The following CTNNA2 variants were observed in gnomAD, a reference collection of about 807,000 sequenced individuals.
The protein encoded by CTNNA2 is catenin alpha 2.
CTNNA2 carries 42 observed loss-of-function variants against 101.0 expected under a neutral mutation model. That is an observed-to-expected ratio of 0.42 (90% CI 0.32 to 0.54). The LOEUF is 0.54. Ranked by LOEUF, CTNNA2 falls within the 20% of genes least tolerant of loss-of-function variation. The pLI, the probability that CTNNA2 is intolerant of heterozygous loss-of-function variation, is 0.14. For missense variants in CTNNA2, 871 were observed against 1,223.1 expected (o/e 0.71, Z 4.29); for synonymous variants, 450 against 456.4 (o/e 0.99, Z 0.18).
intron 7 of CTNNA2, among the ~76,000 whole-genome samples, chr2:79,977,848 C>G (rs1690977513): frequency 6.6e-6 from 1 of 151,968 alleles, no homozygotes; most frequent in Admixed American, 6.6e-5. Flanking sequence ...TTTCTCTGGC[C>G]AGAGGGAATT....
At chr2:79,414,651 A>T (rs924489694) in intron 4 of CTNNA2, among the ~76,000 whole-genome samples, 1 of 152,066 alleles carries the variant, frequency 6.6e-6, no homozygotes, top group Non-Finnish European at 1.5e-5. Context: ...TATGAAAATG[A>T]TGTTATGCAG....
intron 3 of CTNNA2, among the ~76,000 whole-genome samples, chr2:79,313,187 G>A (rs1422315898): frequency 6.6e-6 from 1 of 152,246 alleles, no homozygotes; most frequent in South Asian, 2.1e-4. Flanking sequence ...GAACAGACAG[G>A]CTTCATATGT....
At chr2:80,093,706 G>A (rs1483676301) in intron 7 of CTNNA2, among the ~76,000 whole-genome samples, 2 of 152,158 alleles carry the variant, frequency 1.3e-5, no homozygotes, top group Admixed American at 1.3e-4. Context: ...TCTAACTGGT[G>A]TGAGATGGTA....
At chr2:79,696,333 T>C (rs2104730110) in intron 2 of CTNNA2, among the ~76,000 whole-genome samples, 1 of 152,120 alleles carries the variant, frequency 6.6e-6, no homozygotes, top group African/African-American at 2.4e-5. Flanking sequence ...TCTCCACTGA[T>C]TTGTCCTAAG....
At chr2:79,626,849 G>C (rs937281315) in intron 1 of CTNNA2, among the ~76,000 whole-genome samples, 3 of 151,812 alleles carry the variant, frequency 2.0e-5, no homozygotes, top group Admixed American at 6.6e-5. Flanking sequence ...TCTGAGATGA[G>C]GGCAGGGAGA....
At chr2:80,289,500 A>G (rs998082503) in intron 7 of CTNNA2, among the ~76,000 whole-genome samples, 1 of 152,300 alleles carries the variant, frequency 6.6e-6, no homozygotes, top group African/African-American at 2.4e-5. Flanking sequence ...CTAGGAGCCA[A>G]TTGCTCCTAA....
At chr2:79,575,925 A>G (rs1234118507) in intron 1 of CTNNA2, among the ~76,000 whole-genome samples, 2 of 152,200 alleles carry the variant, frequency 1.3e-5, no homozygotes, top group Admixed American at 1.3e-4. Flanking sequence ...TGCAAAAGAC[A>G]GATAATCTTA....
At chr2:80,100,964 C>T (rs1308253138) in intron 7 of CTNNA2, among the ~76,000 whole-genome samples, 2 of 152,138 alleles carry the variant, frequency 1.3e-5, no homozygotes, top group Non-Finnish European at 2.9e-5. Flanking sequence ...TCATAAATAC[C>T]TGCTATAAAA....
At chr2:79,308,317 A>T (rs1454051387) in intron 2 of CTNNA2, among the ~76,000 whole-genome samples, 1 of 152,144 alleles carries the variant, frequency 6.6e-6, no homozygotes, top group East Asian at 1.9e-4. Context: ...AATTTCTGGG[A>T]TTACAGTCAT....
chr2:79,344,639 T>G (rs925173455), intron 3 of CTNNA2, among the ~76,000 whole-genome samples: 188 of 151,978 alleles, frequency 1.2e-3, no homozygotes, highest in African/African-American at 4.3e-3. Flanking sequence ...TAAAGTCCAG[T>G]TCAAAATTCA....
chr2:79,741,540 A>G (rs779051045), intron 2 of CTNNA2, among the ~76,000 whole-genome samples: 3 of 152,124 alleles, frequency 2.0e-5, no homozygotes, highest in Non-Finnish European at 2.9e-5. Flanking sequence ...TATGTTCTTC[A>G]CTAAAATGTT....
intron 3 of CTNNA2, among the ~76,000 whole-genome samples, chr2:79,350,137 A>G (rs1677355457): frequency 6.6e-6 from 1 of 151,718 alleles, no homozygotes; most frequent in Non-Finnish European, 1.5e-5. Flanking sequence ...TTTTCTTTCT[A>G]AAAATTATTT....
At chr2:80,277,909 T>C (rs996177756) in intron 7 of CTNNA2, among the ~76,000 whole-genome samples, 3 of 152,112 alleles carry the variant, frequency 2.0e-5, no homozygotes, top group African/African-American at 7.2e-5. Flanking sequence ...GGCCTCTGAG[T>C]GTCTACTTTC....
intron 7 of CTNNA2, among the ~76,000 whole-genome samples, chr2:80,379,319 A>T (rs1416301443): frequency 2.6e-5 from 4 of 152,156 alleles, no homozygotes; most frequent in Non-Finnish European, 5.9e-5. Flanking sequence ...CTACAGGTGG[A>T]TATGACAATA....
rs543419207 is a variant in CTNNA2, at chr2:80,648,161, G to A, written c.*289G>A. On this transcript the variant is annotated 3_prime_UTR_variant, in exon 19 of 19. Coordinates refer to ENST00000402739, the MANE Select transcript of CTNNA2 (RefSeq NM_001282597.3). ...CATTGGCGCAATATTTATGGGAGTG[G>A]GAGGGATGGGGAAAATAAACTTAAC... 1 of 222,484 alleles carries A rather than the reference G, an allele frequency of 4.5e-6. No homozygotes were observed. Among genetic ancestry groups the A allele is most frequent in the Non-Finnish European group, 8.8e-6 (1 of 113,014 alleles). The allele number at this position is 222,484 out of a possible 1,614,324, so 13.8% of individuals were successfully genotyped here.
chr2:79,687,437 G>GGATC (rs1684006619), intron 2 of CTNNA2: 1 of 481,156 alleles, frequency 2.1e-6, no homozygotes, highest in African/African-American at 2.6e-5. Context: ...AAGGTCATTT[G>GGATC]GATCTGCTTT....
intron 2 of CTNNA2, among the ~76,000 whole-genome samples, chr2:79,207,385 C>T (rs6760758): frequency 0.21 from 32,303 of 152,040 alleles, 4,326 homozygotes; most frequent in African/African-American, 0.38. Flanking sequence ...TAAAGGAGAA[C>T]CAGAAGTAAC....
intron 2 of CTNNA2, among the ~76,000 whole-genome samples, chr2:79,729,050 G>T (rs1210274906): frequency 2.6e-5 from 4 of 152,104 alleles, no homozygotes; most frequent in Non-Finnish European, 5.9e-5. Flanking sequence ...CAGGAGTCAA[G>T]AATTTTATTT....
chr2:79,492,017 C>A (rs1671210897), intron 4 of CTNNA2, among the ~76,000 whole-genome samples: 1 of 152,072 alleles, frequency 6.6e-6, no homozygotes, highest in South Asian at 2.1e-4. Context: ...TACTTGTCAT[C>A]ATAATAGATA....
Sources: allele counts gnomAD v4.1 joint callset (sites outside exome capture counted in the v4.1 genomes callset), GRCh38; gene constraint gnomAD v4.1.1; transcripts MANE v1.5; gene names NCBI Gene and HGNC (gene_info 2026-07-23, HGNC 2026-07-21).